The following IL1RAPL2 variants were observed in gnomAD, a reference collection of about 807,000 sequenced individuals.
The protein encoded by IL1RAPL2 is X-linked interleukin-1 receptor accessory protein-like 2.
A neutral mutation model predicts 44.1 loss-of-function variants in IL1RAPL2; 3 were observed. That is an observed-to-expected ratio of 0.07 (90% confidence interval 0.03 to 0.18). The LOEUF is 0.18. Ranked by LOEUF, IL1RAPL2 falls within the 10% of genes least tolerant of loss-of-function variation. IL1RAPL2 has a pLI of 1.00. For synonymous variants in IL1RAPL2, 181 were observed against 178.8 expected (o/e 1.01, Z -0.10); for missense variants, 391 against 496.4 (o/e 0.79, Z 2.02).
intron 5 of IL1RAPL2, among the ~76,000 whole-genome samples, chrX:105,294,290 A>T (rs2034638759): frequency 8.9e-6 from 1 of 112,625 alleles, no homozygotes. Flanking sequence ...TGCTTAATAT[A>T]ATGGGACTTC....
chrX:105,324,543 T>C (rs1273852278), intron 5 of IL1RAPL2, among the ~76,000 whole-genome samples: 2 of 111,492 alleles, frequency 1.8e-5, no homozygotes, highest in East Asian at 5.6e-4. Context: ...TAGTTATATA[T>C]ATATATGCAT....
chrX:104,623,477 T>C (rs1929438602), intron 1 of IL1RAPL2, among the ~76,000 whole-genome samples: 1 of 110,971 alleles, frequency 9.0e-6, no homozygotes, highest in Admixed American at 9.7e-5. Context: ...GACATAACAT[T>C]GGTAGATTGA....
chrX:104,660,403 G>A (rs1176485595), intron 2 of IL1RAPL2, among the ~76,000 whole-genome samples: 1 of 109,373 alleles, frequency 9.1e-6, no homozygotes, highest in East Asian at 2.9e-4. Context: ...AAAAAGAAAC[G>A]AGGGTTTAAA....
intron 2 of IL1RAPL2, among the ~76,000 whole-genome samples, chrX:105,046,865 C>T (rs2031845962): frequency 1.0e-5 from 1 of 98,536 alleles, no homozygotes; most frequent in Non-Finnish European, 2.0e-5. Context: ...GTAAAAGGGC[C>T]AACACAAGCA....
intron 2 of IL1RAPL2, among the ~76,000 whole-genome samples, chrX:104,850,719 G>T (rs183494614): frequency 5.3e-4 from 59 of 111,243 alleles, no homozygotes; most frequent in African/African-American, 1.9e-3. Context: ...AAAAATCTTG[G>T]CTGAAATCTC....
intron 2 of IL1RAPL2, among the ~76,000 whole-genome samples, chrX:105,064,794 G>T (rs1037613022): frequency 2.7e-5 from 3 of 111,710 alleles, no homozygotes; most frequent in Non-Finnish European, 5.6e-5. Context: ...GGAAGGGCTG[G>T]TCTTGCCATC....
chrX:104,807,544 A>T (rs1285371219), intron 2 of IL1RAPL2, among the ~76,000 whole-genome samples: 1 of 111,877 alleles, frequency 8.9e-6, no homozygotes, highest in Non-Finnish European at 1.9e-5. Context: ...ACTTGTAAAA[A>T]TTTTAATTAG....
chrX:105,658,018 C>T (rs777732708), intron 6 of IL1RAPL2, among the ~76,000 whole-genome samples: 1 of 110,970 alleles, frequency 9.0e-6, no homozygotes, highest in African/African-American at 3.3e-5. Context: ...AAATAGATCA[C>T]ATTCTGATTA....
At position 105,346,598 on chromosome X, in the gene IL1RAPL2, C is replaced by T. The variant is rs1218995474; in HGVS notation, c.697+79057C>T. Reference sequence around the variant, plus strand: ...GTGACAACAGCAACATAGGGTCTGACTTGGAAGGCCTTGAAGAAGGCTGTA... The same window carrying T: ...GTGACAACAGCAACATAGGGTCTGATTTGGAAGGCCTTGAAGAAGGCTGTA... On this transcript the variant is annotated intron_variant, in intron 5 of 10. Coordinates refer to ENST00000372582, the MANE Select transcript of IL1RAPL2 (RefSeq NM_017416.2). Among the ~76,000 whole-genome samples the T allele has an allele frequency of 2.7e-5, 3 of 111,747 alleles. No individual in the cohort carries two copies. The East Asian group carries it at 8.5e-4, about 32-fold the overall frequency.
intron 1 of IL1RAPL2, among the ~76,000 whole-genome samples, chrX:104,637,972 G>T (rs954676818): frequency 9.0e-6 from 1 of 111,304 alleles, no homozygotes; most frequent in African/African-American, 3.3e-5. Flanking sequence ...GGTAGAACTT[G>T]GCAGTAAAGC....
intron 2 of IL1RAPL2, among the ~76,000 whole-genome samples, chrX:104,851,584 T>C (rs976039940): frequency 4.5e-5 from 5 of 111,067 alleles, no homozygotes; most frequent in African/African-American, 1.6e-4. Flanking sequence ...CTCACGAAAA[T>C]AGAGAGTACA....
At chrX:104,902,042 C>G (rs1923833278) in intron 2 of IL1RAPL2, among the ~76,000 whole-genome samples, 1 of 111,683 alleles carries the variant, frequency 9.0e-6, no homozygotes, top group South Asian at 3.7e-4. Flanking sequence ...TTTTTAAAAA[C>G]AGTTATTAGC....
chrX:105,641,163 G>A (rs1466300853), intron 6 of IL1RAPL2, among the ~76,000 whole-genome samples: 1 of 110,464 alleles, frequency 9.1e-6, no homozygotes. Flanking sequence ...GAGTTGATAT[G>A]TCAACCCACA....
At chrX:105,443,222 G>T (rs1183862197) in intron 5 of IL1RAPL2, among the ~76,000 whole-genome samples, 2 of 111,412 alleles carry the variant, frequency 1.8e-5, no homozygotes, top group Non-Finnish European at 3.8e-5. Context: ...TAATTATTGT[G>T]GGTACATAGT....
Position 105,168,622 on chromosome X carries a change from C to T in IL1RAPL2, c.83-26853C>T, listed in dbSNP as rs778442817. Among the ~76,000 whole-genome samples the T allele has an allele frequency of 1.2e-4, 13 of 110,044 alleles. No individual in the cohort carries two copies. In the South Asian group the frequency reaches 1.6e-3, roughly 13 times the overall value. Reference sequence around the variant, plus strand: ...AGAGCCAGAGGTGTAAGTTTCAGTCCGAATGTCAGCAGTCTTGAGACAGAG... The same window carrying T: ...AGAGCCAGAGGTGTAAGTTTCAGTCTGAATGTCAGCAGTCTTGAGACAGAG... On this transcript the variant is annotated intron_variant, in intron 2 of 10. Transcript: ENST00000372582.
rs543040890 is a variant in IL1RAPL2 at position 105,606,304 on chromosome X, G to A, written c.773-111063G>A. ...ATGGCCAGCCAGTATATGAAAAAGC[G>A]CTCAACATCACTGATCATCAAGGGA... On this transcript the variant is annotated intron_variant, in intron 6 of 10. Coordinates refer to ENST00000372582, the MANE Select transcript of IL1RAPL2 (RefSeq NM_017416.2). 6.5e-3 allele frequency among the ~76,000 whole-genome samples: 726 copies of A among 111,659 alleles called. 3 individuals are homozygous for A. The highest frequency in any genetic ancestry group is 9.0e-3 in the Non-Finnish European group (476 of 52,873).
chrX:104,741,830 C>T (rs913941880), intron 2 of IL1RAPL2, among the ~76,000 whole-genome samples: 3 of 110,726 alleles, frequency 2.7e-5, no homozygotes, highest in Non-Finnish European at 5.7e-5. Flanking sequence ...ACATTCAGTG[C>T]AAGAAAAAAG....
intron 6 of IL1RAPL2, among the ~76,000 whole-genome samples, chrX:105,650,050 T>C (rs902667195): frequency 2.7e-5 from 3 of 111,056 alleles, no homozygotes; most frequent in Non-Finnish European, 5.7e-5. Context: ...CCCTAATTAG[T>C]GGTGTTGGTC....
chrX:104,881,774 C>T (rs1427526860), intron 2 of IL1RAPL2, among the ~76,000 whole-genome samples: 1 of 111,230 alleles, frequency 9.0e-6, no homozygotes, highest in Non-Finnish European at 1.9e-5. Context: ...CTTTTATTCC[C>T]ATGTGAGGAT....
Sources: allele counts gnomAD v4.1 joint callset (sites outside exome capture counted in the v4.1 genomes callset), GRCh38; gene constraint gnomAD v4.1.1; transcripts MANE v1.5; gene names NCBI Gene and HGNC (gene_info 2026-07-23, HGNC 2026-07-21).